The following DISP1 variants were observed in gnomAD, a reference collection of about 807,000 sequenced individuals.
DISP1 encodes the protein protein dispatched homolog 1.
Under a neutral mutation model 37.3 loss-of-function variants are expected in DISP1, and 30 were observed. The ratio of observed to expected loss-of-function variants is 0.80; its 90% CI spans 0.60 to 1.09. DISP1 has a LOEUF of 1.09. Among genes scored for constraint, DISP1 ranks in the 50% least tolerant of loss-of-function variants. The pLI is 0.00. For missense variants in DISP1, 1,598 were observed against 1,879.5 expected (o/e 0.85, Z 2.77); for synonymous variants, 634 against 690.2 (o/e 0.92, Z 1.28).
chr1:222,999,015 C>T (rs1209581308), intron 8 of DISP1, among the ~76,000 whole-genome samples: 1 of 151,998 alleles, frequency 6.6e-6, no homozygotes, highest in Non-Finnish European at 1.5e-5. Flanking sequence ...GCTTAATTTT[C>T]CTCCCTTTTG....
chr1:222,841,777 AATATTG>A (rs1202944741), intron 1 of DISP1, among the ~76,000 whole-genome samples: 2 of 152,164 alleles, frequency 1.3e-5, no homozygotes, highest in Non-Finnish European at 2.9e-5. Context: ...ATATGGATAA[AATATTG>A]ATATTGGTAA....
intron 1 of DISP1, among the ~76,000 whole-genome samples, chr1:222,898,202 G>C (rs979943984): frequency 6.6e-6 from 1 of 152,118 alleles, no homozygotes; most frequent in Non-Finnish European, 1.5e-5. Flanking sequence ...GTTTGGGGTG[G>C]AAAAAGCCTG....
chr1:222,884,993 C>T (rs559565039), intron 1 of DISP1, among the ~76,000 whole-genome samples: 57 of 152,112 alleles, frequency 3.7e-4, no homozygotes, highest in African/African-American at 3.6e-4. Context: ...CCCGCCACTA[C>T]GCCCGGCTAA....
chr1:222,929,773 G>A (rs1172036801), intron 2 of DISP1, among the ~76,000 whole-genome samples: 1 of 151,940 alleles, frequency 6.6e-6, no homozygotes, highest in Admixed American at 6.6e-5. Flanking sequence ...GTATTTTTTA[G>A]TCTTGCATCT....
chr1:222,955,274 G>T (rs758017508), intron 3 of DISP1, among the ~76,000 whole-genome samples: 2 of 151,742 alleles, frequency 1.3e-5, no homozygotes, highest in Non-Finnish European at 2.9e-5. Context: ...TTAGTAGGAC[G>T]GGATTTCACC....
rs150270848 is a variant in DISP1 at position 222,842,209 on chromosome 1, G to A, written c.-159+27131G>A. ...ATGCAGCTCTTTTTTAAAGCCTTTT[G>A]TGATATTTTTTGGTATTTTGATTGT... On this transcript the variant is annotated intron_variant, in intron 1 of 8. Coordinates refer to ENST00000675850, the MANE Select transcript of DISP1 (RefSeq NM_001377229.1). 3.4e-4 allele frequency among the ~76,000 whole-genome samples: 52 copies of A among 151,150 alleles called. No homozygotes were observed. In the East Asian group the frequency reaches 7.6e-3, roughly 22 times the overall value.
intron 1 of DISP1, among the ~76,000 whole-genome samples, chr1:222,844,902 AG>A (rs1667817176): frequency 6.6e-6 from 1 of 152,142 alleles, no homozygotes; most frequent in South Asian, 2.1e-4. Context: ...ACCACGAAAG[AG>A]GTATTTTTAA....
At chr1:222,840,111 A>G (rs1023633251) in intron 1 of DISP1, among the ~76,000 whole-genome samples, 13 of 152,236 alleles carry the variant, frequency 8.5e-5, no homozygotes, top group African/African-American at 2.9e-4. Context: ...AATAAAAACC[A>G]GAATGGTCAT....
intron 3 of DISP1, among the ~76,000 whole-genome samples, chr1:222,949,870 G>A (rs779750199): frequency 1.4e-4 from 21 of 151,938 alleles, no homozygotes; most frequent in Non-Finnish European, 2.2e-4. Flanking sequence ...CAAGTGATCC[G>A]CCTGCCTCAG....
chr1:222,823,941 A>G (rs1325677631), intron 1 of DISP1: 2 of 151,638 alleles, frequency 1.3e-5, no homozygotes, highest in Non-Finnish European at 2.9e-5. Flanking sequence ...CAACTTGACA[A>G]ATAGGTATAG....
chr1:222,853,837 T>A (rs1044900377), intron 1 of DISP1, among the ~76,000 whole-genome samples: 1 of 152,130 alleles, frequency 6.6e-6, no homozygotes, highest in Non-Finnish European at 1.5e-5. Context: ...TCACTGCAAA[T>A]GATTATAGTT....
rs1237561690 is a variant in DISP1, at chr1:222,991,497, G to A, written c.664-23G>A. On this transcript the variant is annotated intron_variant, in intron 5 of 8. Transcript: ENST00000675850. ...TTAGCCTGAAATGAAATATACTAAT[G>A]AGCACCTGTAATTTTGCCTTAGGGT... 8.7e-6 allele frequency: 14 copies of A among 1,613,216 alleles called. No homozygotes were observed. The African/African-American group carries it at 1.2e-4, about 14-fold the overall frequency.
In DISP1 at chr1:222,943,081, A is replaced by G; in HGVS notation, c.258A>G (p.Pro86=). The change falls in exon 3 of 9, where the codon CCA becomes CCG. Residue 86 remains proline (P), a synonymous_variant. Coordinates refer to ENST00000675850, the MANE Select transcript of DISP1 (RefSeq NM_001377229.1). ...TACCCCAATGCTGCCATCCTTGCCC[A>G]TACCATCACCCTTTGACTAGCCATA... The part of the protein sequence containing the change: ...QMLPQCCHPC[P]YHHPLTSHSS... 1 of 1,614,192 alleles carries G rather than the reference A, an allele frequency of 6.2e-7. No homozygotes were observed. The highest frequency in any genetic ancestry group is 2.2e-5 in the East Asian group (1 of 44,884).
chr1:222,907,386 T>G (rs1416926134), intron 1 of DISP1, among the ~76,000 whole-genome samples: 1 of 152,132 alleles, frequency 6.6e-6, no homozygotes, highest in Admixed American at 6.5e-5. Flanking sequence ...CTTAGCAGCT[T>G]TAGCATCATC....
chr1:222,911,663 G>A (rs1185436373), intron 1 of DISP1, among the ~76,000 whole-genome samples: 1 of 152,028 alleles, frequency 6.6e-6, no homozygotes, highest in Non-Finnish European at 1.5e-5. Context: ...GAGCCTATAA[G>A]TGCATGCCAC....
At chr1:222,919,311 C>A (rs1672676010) in intron 1 of DISP1, among the ~76,000 whole-genome samples, 1 of 152,188 alleles carries the variant, frequency 6.6e-6, no homozygotes, top group African/African-American at 2.4e-5. Flanking sequence ...ATCTGCCGCC[C>A]AGAAGGAATG....
Position 223,002,849 on chromosome 1 carries a change from C to T in DISP1, c.1452C>T (p.Ile484=). Residue 484 remains isoleucine (I), a synonymous_variant, in exon 9 of 9, where the codon ATC becomes ATT. Coordinates refer to ENST00000675850, the MANE Select transcript of DISP1 (RefSeq NM_001377229.1). ...ACTCTTCTGACGGCGTGACTACCAT[C>T]ACCGGGATTGAGTTTGGTATCAAAC... The part of the protein sequence containing the change: ...NWNSSDGVTT[I]TGIEFGIKHS... 1 of 1,614,016 alleles carries T rather than the reference C, an allele frequency of 6.2e-7. No homozygotes were observed. The highest frequency in any genetic ancestry group is 1.3e-5 in the African/African-American group (1 of 75,056).
At chr1:222,858,960 A>G (rs1298078062) in intron 1 of DISP1, among the ~76,000 whole-genome samples, 1 of 152,232 alleles carries the variant, frequency 6.6e-6, no homozygotes, top group African/African-American at 2.4e-5. Flanking sequence ...ATATCATTTG[A>G]CCCAGCAATC....
chr1:222,880,709 T>C (rs144705082), intron 1 of DISP1, among the ~76,000 whole-genome samples: 142 of 152,040 alleles, frequency 9.3e-4, no homozygotes, highest in African/African-American at 3.3e-3. Flanking sequence ...GTGGAAAGAG[T>C]TGATTTCCTG....
Sources: gnomAD v4.1 joint callset for allele counts (sites outside exome capture counted in the v4.1 genomes callset) on GRCh38, gnomAD v4.1.1 for gene constraint, MANE v1.5 for transcripts, NCBI Gene and HGNC (gene_info 2026-07-23, HGNC 2026-07-21) for gene names.